The following PIERCE1 variants were observed in gnomAD, a reference collection of about 807,000 sequenced individuals.
PIERCE1 encodes the protein piercer of microtubule wall 1, also known as piercer of microtubule wall 1 protein.
At chr9:135,499,509 G>T in the PIERCE1 span, 1 of 774,464 alleles carries the variant, frequency 1.3e-6, no homozygotes, top group Non-Finnish European at 2.3e-6. Context: ...GCCCCCCACT[G>T]CCCTTATCCC....
the PIERCE1 span, chr9:135,498,639 G>A: frequency 6.2e-6 from 10 of 1,614,036 alleles, no homozygotes; most frequent in East Asian, 6.7e-5. This position sits in a 1 kb window ranked among gnomAD's most constrained non-coding sequence, Gnocchi z 4.1. Context: ...TACTGGTCCT[G>A]TACACGGAGA....
chr9:135,499,485 C>T, the PIERCE1 span: 3 of 720,228 alleles, frequency 4.2e-6, no homozygotes, highest in Non-Finnish European at 7.7e-6. Context: ...TGGGCTTTCT[C>T]CCCCCACGGC....
At chr9:135,495,267 G>A in the PIERCE1 span, 5 of 643,384 alleles carry the variant, frequency 7.8e-6, no homozygotes, top group South Asian at 6.4e-5. Context: ...AGGACTTCAC[G>A]GCCCCGTTTG....
chr9:135,498,692 T>C, the PIERCE1 span: 1 of 1,588,590 alleles, frequency 6.3e-7, no homozygotes, highest in Admixed American at 1.7e-5. This position sits in a 1 kb window ranked among gnomAD's most constrained non-coding sequence, Gnocchi z 4.1. Context: ...TCTATTTTCA[T>C]TCATTTACTC....
chr9:135,495,598 A>G, the PIERCE1 span: 1 of 1,613,690 alleles, frequency 6.2e-7, no homozygotes, highest in Non-Finnish European at 8.5e-7. Context: ...ATTTATTCGA[A>G]TTTGGATAAA....
chr9:135,496,249 G>A, the PIERCE1 span, among the ~76,000 whole-genome samples: 2 of 152,218 alleles, frequency 1.3e-5, no homozygotes, highest in Non-Finnish European at 2.9e-5. Context: ...CCGGGGAGGC[G>A]GAGCTTGCAG....
At chr9:135,497,049 G>A in the PIERCE1 span, among the ~76,000 whole-genome samples, 8 of 152,228 alleles carry the variant, frequency 5.3e-5, no homozygotes, top group Admixed American at 3.3e-4. Flanking sequence ...CACCCGCCTC[G>A]GCCTCCCAAA....
At chr9:135,495,646 A>G in the PIERCE1 span, 2 of 1,518,844 alleles carry the variant, frequency 1.3e-6, no homozygotes, top group African/African-American at 1.4e-5. Context: ...CGGATTAATG[A>G]CGTATAATAC....
At chr9:135,498,916 G>A in the PIERCE1 span, 3 of 481,726 alleles carry the variant, frequency 6.2e-6, no homozygotes, top group Non-Finnish European at 1.1e-5. The surrounding 1 kb of genome is among the most constrained non-coding windows in gnomAD (Gnocchi z 4.1). Flanking sequence ...GCCCTAAAGA[G>A]CAGGCAGCCA....
chr9:135,499,453 T>A, the PIERCE1 span: 340,984 of 695,228 alleles, frequency 0.49, 87,082 homozygotes, highest in East Asian at 0.84. Context: ...CCGACACAAA[T>A]CAGTGGAGCT....
chr9:135,495,300 GAAT>G, the PIERCE1 span: 11 of 888,538 alleles, frequency 1.2e-5, no homozygotes, highest in African/African-American at 1.5e-4. Flanking sequence ...CTCCGCAGAC[GAAT>G]AATATTTTCA....
At chr9:135,499,499 G>A in the PIERCE1 span, 1 of 745,762 alleles carries the variant, frequency 1.3e-6, no homozygotes, top group South Asian at 1.5e-5. Flanking sequence ...CCACGGCCCT[G>A]CCCCCCACTG....
At chr9:135,495,457 G>T in the PIERCE1 span, 1 of 1,614,106 alleles carries the variant, frequency 6.2e-7, no homozygotes, top group South Asian at 1.1e-5. Flanking sequence ...TGTTGATGTT[G>T]TAACTGGGGT....
the PIERCE1 span, chr9:135,499,404 C>G: frequency 9.3e-5 from 59 of 636,106 alleles, 1 homozygote; most frequent in Admixed American, 1.0e-3. Flanking sequence ...GCTCACGCCC[C>G]GCAGCGGAGT....
the PIERCE1 span, among the ~76,000 whole-genome samples, chr9:135,499,206 A>G: frequency 1.3e-5 from 2 of 152,230 alleles, no homozygotes; most frequent in Admixed American, 1.3e-4. Context: ...AGTCATCTCA[A>G]TGCGAGAATG....
At chr9:135,495,587 AATTT>A in the PIERCE1 span, 134 of 1,613,766 alleles carry the variant, frequency 8.3e-5, no homozygotes, top group Non-Finnish European at 1.1e-4. Flanking sequence ...TTGTTGGGAA[AATTT>A]ATTCGAATTT....
chr9:135,497,108 T>C, the PIERCE1 span, among the ~76,000 whole-genome samples: 12 of 152,334 alleles, frequency 7.9e-5, no homozygotes, highest in East Asian at 2.3e-3. Context: ...TTCAGTGCAC[T>C]TTTTAATGCA....
chr9:135,498,607 G>T, the PIERCE1 span: 2 of 1,613,884 alleles, frequency 1.2e-6, no homozygotes, highest in African/African-American at 2.7e-5. This position sits in a 1 kb window ranked among gnomAD's most constrained non-coding sequence, Gnocchi z 4.1. Context: ...CACGGTGGGG[G>T]CTCTGCTCCC....
chr9:135,495,621 A>C, the PIERCE1 span: 8 of 1,608,494 alleles, frequency 5.0e-6, no homozygotes, highest in Non-Finnish European at 6.8e-6. Context: ...ACTTTCTATA[A>C]GAGATAAAGG....
Sources: gnomAD v4.1 joint callset for allele counts (sites outside exome capture counted in the v4.1 genomes callset) on GRCh38, gnomAD v4.1.1 for gene constraint, Gnocchi (gnomAD v3.1) non-coding constraint, MANE v1.5 for transcripts, NCBI Gene and HGNC (gene_info 2026-07-23, HGNC 2026-07-21) for gene names.